SAMD15: variants seen among roughly 807,000 people sequenced by gnomAD.
The protein encoded by SAMD15 is sterile alpha motif domain-containing protein 15.
Under a neutral mutation model 50.5 loss-of-function variants are expected in SAMD15, and 37 were observed. The observed-to-expected ratio is 0.73, with a 90% CI of 0.56 to 0.96. The LOEUF is 0.96. Among genes scored for constraint, SAMD15 ranks in the 40% least tolerant of loss-of-function variants. SAMD15 has a pLI of 0.00. For synonymous variants in SAMD15, 255 were observed against 282.8 expected, an observed-to-expected ratio of 0.90 and a Z score of 0.99; for missense variants, 789 against 783.8, an observed-to-expected ratio of 1.01 and a Z score of -0.08.
rs1369268035 is a variant in SAMD15, at chr14:77,378,396, T to A, written c.978T>A (p.Pro326=). Residue 326 remains proline (P), a synonymous_variant, in exon 1 of 3, where the codon CCT becomes CCA. Transcript: ENST00000216471. The part of the protein sequence containing the change: ...KPRKSTDENV[P]EPLEEIKLEF... ...GAAAGTCTACTGATGAGAACGTTCC[T>A]GAGCCACTAGAAGAGATCAAATTAG... 1.2e-6 allele frequency: 2 copies of A among 1,613,902 alleles called. No homozygotes were observed. Among genetic ancestry groups the A allele is most frequent in the African/African-American group, 2.7e-5 (2 of 74,904 alleles).
At chr14:77,382,269 C>T (rs997957238) in intron 2 of SAMD15, among the ~76,000 whole-genome samples, 10 of 151,942 alleles carry the variant, frequency 6.6e-5, no homozygotes, top group African/African-American at 2.4e-4. Context: ...GGACTACAGG[C>T]GCGTGGCACC....
chr14:77,386,893 A>C (rs1277021436), intron 2 of SAMD15, among the ~76,000 whole-genome samples: 2 of 152,206 alleles, frequency 1.3e-5, no homozygotes, highest in African/African-American at 4.8e-5. Flanking sequence ...TATAGTAATA[A>C]TTGTCTTCTT....
rs747162520 is a variant in SAMD15, at chr14:77,378,886, G to A, written c.1468G>A (p.Glu490Lys). Reference sequence around the variant, plus strand: ...ACTCCAAAAATTGCTTAATGTCAGTGAAGAATGCTCATACTCAGATCCCTC... The same window carrying A: ...ACTCCAAAAATTGCTTAATGTCAGTAAAGAATGCTCATACTCAGATCCCTC... Reference protein sequence around the residue: ...QPLQKLLNVSEECSYSDPSES... With the variant: ...QPLQKLLNVSKECSYSDPSES... The change falls in exon 1 of 3, where the codon GAA becomes AAA. Residue 490 changes from glutamate to lysine, a missense_variant. Glu to Lys is a moderately conservative substitution (Grantham distance 56). Coordinates refer to ENST00000216471, the MANE Select transcript of SAMD15 (RefSeq NM_001010860.4). The A allele has an allele frequency of 6.8e-6, 11 of 1,613,984 alleles. No homozygotes were observed. In the Middle Eastern group the frequency reaches 9.9e-4, roughly 145 times the overall value.
At chr14:77,384,003 A>AAAAC (rs1893977952) in intron 2 of SAMD15, among the ~76,000 whole-genome samples, 1 of 144,288 alleles carries the variant, frequency 6.9e-6, no homozygotes. Flanking sequence ...AAAAAAAAAA[A>AAAAC]CCTGATTATG....
Position 77,377,620 on chromosome 14 carries a change from G to T in SAMD15, c.202G>T (p.Glu68Ter). The change falls in exon 1 of 3, where the codon GAG (glutamate) becomes TAG (stop). Residue 68 changes from glutamate (E) to a stop codon, truncating the protein, a stop_gained. Coordinates refer to ENST00000216471, the MANE Select transcript of SAMD15 (RefSeq NM_001010860.4). LOFTEE classifies it high-confidence loss of function. ...CGAGGAAGAGGACTTCAAAGAGGGGGAGCCAGACAGTGCTAAGAACGTGCA... is the reference window on the plus strand; with the variant it reads ...CGAGGAAGAGGACTTCAAAGAGGGGTAGCCAGACAGTGCTAAGAACGTGCA... ...ETEEEDFKEG[E>*]PDSAKNVQLK... is the part of the protein sequence containing the mutation. The T allele has an allele frequency of 6.2e-7, 1 of 1,614,160 alleles. No homozygotes were observed.
At chr14:77,385,767 C>G (rs998736378) in intron 2 of SAMD15, among the ~76,000 whole-genome samples, 1 of 152,012 alleles carries the variant, frequency 6.6e-6, no homozygotes, top group Non-Finnish European at 1.5e-5. Flanking sequence ...TTCCCCACCC[C>G]CTTCAGTGAG....
intron 2 of SAMD15, among the ~76,000 whole-genome samples, chr14:77,388,541 A>G (rs1248893408): frequency 6.6e-6 from 1 of 151,106 alleles, no homozygotes; most frequent in Non-Finnish European, 1.5e-5. Flanking sequence ...TCAGCCTCCC[A>G]AGTAGCTGGG....
At position 77,378,247 on chromosome 14, in the gene SAMD15, G is replaced by A. The variant is rs184448176; in HGVS notation, c.829G>A (p.Gly277Ser). The A allele has an allele frequency of 2.5e-6, 4 of 1,614,010 alleles. No individual in the cohort carries two copies. In the African/African-American group the frequency reaches 4.0e-5, roughly 16 times the overall value. The change falls in exon 1 of 3, where the codon GGT (glycine) becomes AGT (serine). Residue 277 changes from glycine (G) to serine (S), a missense_variant. Physicochemically the swap from Gly to Ser is moderately conservative, Grantham distance 56. This residue lies in a region of SAMD15 where 770 missense variants were observed against 745.4 expected (regional missense o/e 1.03). Coordinates refer to ENST00000216471, the MANE Select transcript of SAMD15 (RefSeq NM_001010860.4). ...ACCAAGAAAGTCTAGTGAGGAGGCA[G>A]GTCTAGAGCCTCCAGAAGAGACTCA... ...KEPRKSSEEAGLEPPEETQPE... is the reference protein window; with the variant it reads ...KEPRKSSEEASLEPPEETQPE...
rs1018019248 is a variant in SAMD15 at position 77,391,338 on chromosome 14, T to A, written c.*94T>A. ...TGGTTTTCTTTTTCTCCTTTTTTTT[T>A]TTTTTATTTTTTTGAGACAGAGTCT... On this transcript the variant is annotated 3_prime_UTR_variant, in exon 3 of 3. Transcript: ENST00000216471. 8.5e-6 allele frequency: 7 copies of A among 818,942 alleles called. No homozygotes were observed. The Admixed American group carries it at 1.5e-4, about 18-fold the overall frequency. 50.7% of individuals were successfully genotyped at this position (818,942 alleles called of 1,614,324 possible).
rs907674904 is a variant in SAMD15, at chr14:77,391,287, C to T, written c.*43C>T. 1 of 1,246,704 alleles carries T rather than the reference C, an allele frequency of 8.0e-7. No individual in the cohort carries two copies. The highest frequency in any genetic ancestry group is 1.5e-5 in the African/African-American group (1 of 66,476). The allele number at this position is 1,246,704 out of a possible 1,614,324, so 77.2% of individuals were successfully genotyped here. A position where few individuals can be genotyped will look rare whatever the true frequency, so the allele number is the denominator to read the frequency against. ...GAGCTTGAAAGATCAAACTAAATTA[C>T]TTGAGGGAAGAGGTATGGTCTTTTT... On this transcript the variant is annotated 3_prime_UTR_variant, in exon 3 of 3. Coordinates refer to ENST00000216471, the MANE Select transcript of SAMD15 (RefSeq NM_001010860.4).
rs1163214628 is a variant in SAMD15, at chr14:77,378,513, A to G, written c.1095A>G (p.Arg365=). The change falls in exon 1 of 3, where the codon AGA becomes AGG. Residue 365 remains arginine (R), a synonymous_variant. Transcript: ENST00000216471. ...MMKPESPEEI[R]KSNEKKNPQP... is the part of the protein sequence containing the mutation. Reference sequence around the variant, plus strand: ...AACCAGAAAGTCCAGAAGAGATAAGAAAGTCAAATGAGAAAAAAAATCCAC... The same window carrying G: ...AACCAGAAAGTCCAGAAGAGATAAGGAAGTCAAATGAGAAAAAAAATCCAC... 2 of 1,613,668 alleles carry G rather than the reference A, an allele frequency of 1.2e-6. No homozygotes were observed. Among genetic ancestry groups the G allele is most frequent in the African/African-American group, 1.3e-5 (1 of 74,920 alleles).
chr14:77,378,858 A>G lies in SAMD15; in HGVS notation c.1440A>G (p.Gln480=). 1.2e-6 allele frequency: 2 copies of G among 1,614,028 alleles called. No individual in the cohort carries two copies. The highest frequency in any genetic ancestry group is 1.7e-6 in the Non-Finnish European group (2 of 1,179,982). ...TTGGTACACATTATGAGTTTTTGCAACCACTCCAAAAATTGCTTAATGTCA... is the reference window on the plus strand; with the variant it reads ...TTGGTACACATTATGAGTTTTTGCAGCCACTCCAAAAATTGCTTAATGTCA... ...ESIGTHYEFL[Q]PLQKLLNVSE... is the part of the protein sequence containing the mutation. Residue 480 remains glutamine, a synonymous_variant, in exon 1 of 3, where the codon CAA becomes CAG. Coordinates refer to ENST00000216471, the MANE Select transcript of SAMD15 (RefSeq NM_001010860.4).
chr14:77,387,712 G>A (rs1894019648), intron 2 of SAMD15, among the ~76,000 whole-genome samples: 1 of 151,990 alleles, frequency 6.6e-6, no homozygotes, highest in Non-Finnish European at 1.5e-5. Flanking sequence ...AATATGAGTA[G>A]ATTATATATA....
At position 77,378,647 on chromosome 14, in the gene SAMD15, C is replaced by T. The variant is rs755976933; in HGVS notation, c.1229C>T (p.Thr410Ile). The T allele has an allele frequency of 6.2e-7, 1 of 1,614,076 alleles. No homozygotes were observed. Among genetic ancestry groups the T allele is most frequent in the Non-Finnish European group, 8.5e-7 (1 of 1,180,022 alleles). ...TEKILELPDE[T>I]KPRETHVEFS... ...AAAATTCTAGAGTTACCAGATGAAA[C>T]CAAACCAAGGGAGACACATGTAGAA... The change falls in exon 1 of 3, where the codon ACC (threonine) becomes ATC (isoleucine). Residue 410 changes from threonine to isoleucine, a missense_variant. Thr to Ile is a moderately conservative substitution (Grantham distance 89). Around this residue, in one of 2 missense-constraint regions of SAMD15, gnomAD observed 770 missense variants for 745.4 expected, o/e 1.03. Transcript: ENST00000216471.
rs991714257 is a variant in SAMD15, at chr14:77,377,820, C to T, written c.402C>T (p.Asp134=). ...APMDETHKES[D]LEPPEEAKPN... The stretch of plus-strand genomic sequence containing the variant: ...TGGATGAAACGCATAAAGAGTCAGA[C>T]CTAGAGCCACCAGAGGAGGCTAAAC... The change falls in exon 1 of 3, where the codon GAC becomes GAT. Residue 134 remains aspartate (D), a synonymous_variant. Transcript: ENST00000216471. 3 of 1,614,006 alleles carry T rather than the reference C, an allele frequency of 1.9e-6. No homozygotes were observed. Among genetic ancestry groups the T allele is most frequent in the African/African-American group, 2.7e-5 (2 of 74,892 alleles).
intron 1 of SAMD15, 26 bp from the exon 2 acceptor site, chr14:77,380,357 A>C (rs1483283789): frequency 6.9e-7 from 1 of 1,439,484 alleles, no homozygotes; most frequent in South Asian, 1.1e-5. Flanking sequence ...TACATTTTTT[A>C]AGTGATGTCC....
rs1388955044 is a variant in SAMD15 at position 77,391,536 on chromosome 14, T to C, written c.*292T>C. The C allele has an allele frequency of 1.3e-5, 3 of 239,472 alleles. No individual in the cohort carries two copies. The highest frequency in any genetic ancestry group is 2.4e-5 in the Non-Finnish European group (3 of 124,720). 14.8% of individuals were successfully genotyped at this position (239,472 alleles called of 1,614,324 possible). A position where few individuals can be genotyped will look rare whatever the true frequency, so the allele number is the denominator to read the frequency against. On this transcript the variant is annotated 3_prime_UTR_variant, in exon 3 of 3. Transcript: ENST00000216471. ...TTTCACCATGTTGGCCAGGCTGGTC[T>C]GAAACTCCTAACAGTTGATCTGCCC...
At position 77,378,883 on chromosome 14, in the gene SAMD15, A is replaced by T. The variant is rs1451243365; in HGVS notation, c.1465A>T (p.Ser489Cys). The T allele has an allele frequency of 3.7e-6, 6 of 1,614,020 alleles. No homozygotes were observed. The highest frequency in any genetic ancestry group is 5.1e-6 in the Non-Finnish European group (6 of 1,179,956). Reference protein sequence around the residue: ...LQPLQKLLNVSEECSYSDPSE... With the variant: ...LQPLQKLLNVCEECSYSDPSE... ...ACCACTCCAAAAATTGCTTAATGTC[A>T]GTGAAGAATGCTCATACTCAGATCC... is the stretch of plus-strand genomic sequence containing the variant. The change falls in exon 1 of 3, where the codon AGT (serine) becomes TGT (cysteine). Residue 489 changes from serine to cysteine, a missense_variant. Transcript: ENST00000216471.
intron 2 of SAMD15, among the ~76,000 whole-genome samples, chr14:77,380,709 CA>C (rs1893934364): frequency 6.6e-6 from 1 of 152,158 alleles, no homozygotes; most frequent in Non-Finnish European, 1.5e-5. Flanking sequence ...TGGCTTTCTT[CA>C]TTCCCACTTT....
Sources: gnomAD v4.1 joint callset for allele counts (sites outside exome capture counted in the v4.1 genomes callset) on GRCh38, gnomAD v4.1.1 for gene constraint, gnomAD v4.1.1 regional missense constraint, MANE v1.5 for transcripts, NCBI Gene and HGNC (gene_info 2026-07-23, HGNC 2026-07-21) for gene names.